CACNA1A: variants seen among roughly 807,000 people sequenced by gnomAD.
The protein encoded by CACNA1A is calcium voltage-gated channel subunit alpha1 A, also known as voltage-dependent P/Q-type calcium channel subunit alpha-1A.
Under a neutral mutation model 262.4 loss-of-function variants are expected in CACNA1A, and 57 were observed. That is an observed-to-expected ratio of 0.22 (90% CI 0.18 to 0.27). CACNA1A has a LOEUF of 0.27. Among genes scored for constraint, CACNA1A ranks in the 10% least tolerant of loss-of-function variants. CACNA1A has a pLI of 1.00. For synonymous variants in CACNA1A, 1,431 were observed against 1,419.3 expected (o/e 1.01, Z -0.18); for missense variants, 2,526 against 3,562.8 (o/e 0.71, Z 7.41).
chr19:13,268,515 G>C (rs2056923881), intron 24 of CACNA1A, among the ~76,000 whole-genome samples: 1 of 150,320 alleles, frequency 6.7e-6, no homozygotes, highest in Non-Finnish European at 1.5e-5. Context: ...CTCACTGCAA[G>C]CTCCGCCTCC....
intron 3 of CACNA1A, among the ~76,000 whole-genome samples, chr19:13,414,712 C>CT (rs1399712581): frequency 4.0e-5 from 6 of 151,708 alleles, no homozygotes; most frequent in Non-Finnish European, 8.8e-5. Context: ...AGTCCCAGCA[C>CT]TTTGAGAGAC....
At chr19:13,321,158 C>T (rs1441262024) in intron 10 of CACNA1A, among the ~76,000 whole-genome samples, 1 of 151,820 alleles carries the variant, frequency 6.6e-6, no homozygotes, top group Non-Finnish European at 1.5e-5. Flanking sequence ...CTCAGCCTCC[C>T]AAGTAGCTGG....
intron 3 of CACNA1A, among the ~76,000 whole-genome samples, chr19:13,427,998 C>T (rs904828050): frequency 6.6e-6 from 1 of 151,616 alleles, no homozygotes; most frequent in Non-Finnish European, 1.5e-5. Flanking sequence ...GTGGAGTGAT[C>T]TCGACTCACT....
rs190268214 is a variant in CACNA1A at position 13,241,479 on chromosome 19, T to G, written c.4950+3703A>C. On this transcript the variant is annotated intron_variant, in intron 31 of 46. Transcript: ENST00000360228. This position sits in a 1 kb window ranked among gnomAD's most constrained non-coding sequence, Gnocchi z 4.0. ...CCGACGCGAGGAGATGCGTTCACAG[T>G]TAATGTAAGGCATTTAGACTTCAGA... 2.3e-4 allele frequency: 333 copies of G among 1,453,510 alleles called. 2 individuals are homozygous for G. The African/African-American group carries it at 3.8e-3, about 17-fold the overall frequency. 90.0% of individuals were successfully genotyped at this position (1,453,510 alleles called of 1,614,324 possible). A position where few individuals can be genotyped will look rare whatever the true frequency, so the allele number is the denominator to read the frequency against.
intron 1 of CACNA1A, among the ~76,000 whole-genome samples, chr19:13,464,377 C>A (rs900905660): frequency 6.6e-6 from 1 of 152,040 alleles, no homozygotes; most frequent in Non-Finnish European, 1.5e-5. Context: ...CCAGTCTGGG[C>A]AACAGAGCAA....
At chr19:13,502,067 ATC>A (rs567032872) in intron 1 of CACNA1A, among the ~76,000 whole-genome samples, 179 of 151,614 alleles carry the variant, frequency 1.2e-3, no homozygotes, top group Admixed American at 3.0e-3. Flanking sequence ...AGAACATTCT[ATC>A]TCTCAGGACA....
intron 31 of CACNA1A, among the ~76,000 whole-genome samples, chr19:13,238,853 C>T (rs1003447454): frequency 6.6e-6 from 1 of 152,170 alleles, no homozygotes; most frequent in Admixed American, 6.5e-5. Flanking sequence ...TCCCAAAGTG[C>T]TGGGATTAGA....
chr19:13,298,249 G>C (rs1013853178), intron 19 of CACNA1A, among the ~76,000 whole-genome samples: 10 of 150,538 alleles, frequency 6.6e-5, no homozygotes, highest in African/African-American at 2.5e-4. Flanking sequence ...TCCTGCCTCA[G>C]CCTCCTGAGT....
Position 13,298,598 on chromosome 19 carries a change from G to C in CACNA1A, c.3035C>G (p.Thr1012Arg). The change falls in exon 19 of 47, where the codon ACG (threonine) becomes AGG (arginine). Residue 1012 changes from threonine (T) to arginine (R), a missense_variant. Thr to Arg is a moderately conservative substitution (Grantham distance 71). Transcript: ENST00000360228. Reference sequence around the variant, plus strand: ...CTCCCTCCGCGCGTCCCCCTCGTACGTGGCTGGAGCGCCATGCCGGTGCCT... The same window carrying C: ...CTCCCTCCGCGCGTCCCCCTCGTACCTGGCTGGAGCGCCATGCCGGTGCCT... ...RRRHRHGAPA[T>R]YEGDARREDK... 6.5e-7 allele frequency: 1 copy of C among 1,540,248 alleles called. No individual in the cohort carries two copies. The highest frequency in any genetic ancestry group is 8.8e-7 in the Non-Finnish European group (1 of 1,141,776).
chr19:13,420,329 A>G (rs1291938208), intron 3 of CACNA1A, among the ~76,000 whole-genome samples: 1 of 151,916 alleles, frequency 6.6e-6, no homozygotes, highest in East Asian at 2.0e-4. Context: ...TGAGTTGAAT[A>G]CTATTTCCCC....
intron 1 of CACNA1A, among the ~76,000 whole-genome samples, chr19:13,478,226 G>T (rs1344387027): frequency 6.6e-6 from 1 of 152,196 alleles, no homozygotes; most frequent in Non-Finnish European, 1.5e-5. Flanking sequence ...AAGAAATGGG[G>T]TGAAGTCTAA....
chr19:13,436,214 C>G (rs2060608943), intron 3 of CACNA1A, among the ~76,000 whole-genome samples: 1 of 152,176 alleles, frequency 6.6e-6, no homozygotes. Flanking sequence ...ACTCAGCATT[C>G]CTGGTGCCCA....
chr19:13,390,335 C>T (rs1481301517), intron 3 of CACNA1A, among the ~76,000 whole-genome samples: 2 of 152,246 alleles, frequency 1.3e-5, no homozygotes, highest in East Asian at 1.9e-4. Context: ...TGGTCTCAAA[C>T]CCCTGGCCTC....
At chr19:13,396,481 T>C (rs748453004) in intron 3 of CACNA1A, among the ~76,000 whole-genome samples, 16 of 152,206 alleles carry the variant, frequency 1.1e-4, no homozygotes, top group Non-Finnish European at 1.8e-4. Flanking sequence ...CTTTCTGGGA[T>C]GATGGAAATG....
At chr19:13,386,152 T>TAA (rs1233099486) in intron 3 of CACNA1A, among the ~76,000 whole-genome samples, 9 of 141,016 alleles carry the variant, frequency 6.4e-5, no homozygotes, top group African/African-American at 1.6e-4. Flanking sequence ...CCTTGTCTCT[T>TAA]AAAAAAAAAA....
intron 1 of CACNA1A, among the ~76,000 whole-genome samples, chr19:13,497,504 AAAAAAAAAAAAAAAAAAATATATAT>A (rs1981705614): frequency 2.2e-4 from 9 of 40,010 alleles, no homozygotes; most frequent in East Asian, 6.9e-4. Flanking sequence ...AAAAAAAAAA[AAAAAAAAAAAAAAAAAAATATATAT>A]ATATATATAT....
At chr19:13,320,276 A>AGAGAGAGAGAGAGAG (rs1600321519) in intron 10 of CACNA1A, among the ~76,000 whole-genome samples, 1 of 102,530 alleles carries the variant, frequency 9.8e-6, no homozygotes, top group Non-Finnish European at 2.0e-5. Context: ...GAGAGAGAGA[A>AGAGAGAGAGAGAGAG]ACCACAGCAG....
chr19:13,280,481 C>T (rs1568489092), intron 22 of CACNA1A, among the ~76,000 whole-genome samples: 1 of 151,826 alleles, frequency 6.6e-6, no homozygotes, highest in Non-Finnish European at 1.5e-5. Flanking sequence ...GCGTGAGCCA[C>T]TGCATCTGGC....
chr19:13,497,864 C>T (rs894486016), intron 1 of CACNA1A, among the ~76,000 whole-genome samples: 11 of 151,914 alleles, frequency 7.2e-5, no homozygotes, highest in African/African-American at 9.7e-5. Flanking sequence ...GGACTACTGT[C>T]CCCGTTTTAC....
Sources: gnomAD v4.1 joint callset for allele counts (sites outside exome capture counted in the v4.1 genomes callset) on GRCh38, gnomAD v4.1.1 for gene constraint, Gnocchi (gnomAD v3.1) non-coding constraint, MANE v1.5 for transcripts, NCBI Gene and HGNC (gene_info 2026-07-23, HGNC 2026-07-21) for gene names.